The following ITGA9 variants were observed in gnomAD, a reference collection of about 807,000 sequenced individuals.
ITGA9 encodes the protein integrin subunit alpha 9.
A neutral mutation model predicts 127.8 loss-of-function variants in ITGA9; 56 were observed. The ratio of observed to expected loss-of-function variants is 0.44; its 90% CI spans 0.35 to 0.55. ITGA9 has a LOEUF of 0.55. Ranked by LOEUF, ITGA9 falls within the 20% of genes least tolerant of loss-of-function variation. The pLI, the probability that ITGA9 is intolerant of heterozygous loss-of-function variation, is 0.00. For synonymous variants in ITGA9, 508 were observed against 514.5 expected (o/e 0.99, Z 0.17); for missense variants, 1,196 against 1,347.1 (o/e 0.89, Z 1.76).
chr3:37,684,331 A>G (rs1700761508), intron 18 of ITGA9, among the ~76,000 whole-genome samples: 1 of 152,206 alleles, frequency 6.6e-6, no homozygotes, highest in Non-Finnish European at 1.5e-5. Context: ...TGCTGTCTCC[A>G]GCACACACAT....
At chr3:37,636,303 G>C (rs1481586563) in intron 16 of ITGA9, among the ~76,000 whole-genome samples, 2 of 152,124 alleles carry the variant, frequency 1.3e-5, no homozygotes, top group Non-Finnish European at 2.9e-5. Context: ...GTTGTTTCCT[G>C]ACTTTTTAAT....
chr3:37,803,839 T>C lies in ITGA9; in HGVS notation c.2906T>C (p.Leu969Pro). ...GCCTCCTAGGTGGTCTTCGAGGCCC[T>C]GCACAATCTGGAGCCCCGTGGCTAC... ...PEEVTVVFEA[L>P]HNLEPRGYVV... The change falls in exon 27 of 28, where the codon CTG (leucine) becomes CCG (proline). Residue 969 changes from leucine (L) to proline (P), a missense_variant. Coordinates refer to ENST00000264741, the MANE Select transcript of ITGA9 (RefSeq NM_002207.3). 1 of 1,614,166 alleles carries C rather than the reference T, an allele frequency of 6.2e-7. No individual in the cohort carries two copies. Among genetic ancestry groups the C allele is most frequent in the Non-Finnish European group, 8.5e-7 (1 of 1,180,010 alleles).
At chr3:37,765,852 T>C (rs1023334475) in intron 23 of ITGA9, among the ~76,000 whole-genome samples, 2 of 152,220 alleles carry the variant, frequency 1.3e-5, no homozygotes, top group African/African-American at 4.8e-5. Flanking sequence ...CGCCCGGCCT[T>C]ATCAAGGAGC....
At chr3:37,567,877 A>G (rs1699563002) in intron 15 of ITGA9, among the ~76,000 whole-genome samples, 1 of 152,104 alleles carries the variant, frequency 6.6e-6, no homozygotes, top group African/African-American at 2.4e-5. Context: ...ACTGGCTGGC[A>G]TTGAGTATCT....
At chr3:37,585,951 T>C (rs1385987422) in intron 15 of ITGA9, among the ~76,000 whole-genome samples, 1 of 152,206 alleles carries the variant, frequency 6.6e-6, no homozygotes, top group South Asian at 2.1e-4. Flanking sequence ...TCCTGAGTCA[T>C]ATTTGGGAAG....
intron 26 of ITGA9, among the ~76,000 whole-genome samples, chr3:37,791,781 A>G (rs1399910722): frequency 1.3e-5 from 2 of 152,088 alleles, no homozygotes; most frequent in East Asian, 3.9e-4. Flanking sequence ...CTCACCAAAG[A>G]TGCAAGCCTG....
chr3:37,661,468 A>T (rs527314276), intron 17 of ITGA9, among the ~76,000 whole-genome samples: 2 of 152,348 alleles, frequency 1.3e-5, no homozygotes, highest in South Asian at 4.1e-4. Flanking sequence ...TGATACTTAG[A>T]TAACAAACCT....
At chr3:37,591,217 A>G (rs548111262) in intron 15 of ITGA9, among the ~76,000 whole-genome samples, 7 of 152,238 alleles carry the variant, frequency 4.6e-5, no homozygotes, top group African/African-American at 7.2e-5. Flanking sequence ...CCTCCTTTTC[A>G]TCATGTCTGT....
At chr3:37,539,885 G>A (rs189436741) in intron 14 of ITGA9, among the ~76,000 whole-genome samples, 37 of 152,266 alleles carry the variant, frequency 2.4e-4, no homozygotes, top group African/African-American at 8.4e-4. Flanking sequence ...CCACATCAAG[G>A]GGCAAGGGAG....
chr3:37,767,723 C>A (rs1448016149), intron 23 of ITGA9, among the ~76,000 whole-genome samples: 1 of 152,116 alleles, frequency 6.6e-6, no homozygotes, highest in East Asian at 1.9e-4. Context: ...AAATAAACAC[C>A]TTGGAACCAC....
chr3:37,620,072 C>G (rs1014538821), intron 15 of ITGA9, among the ~76,000 whole-genome samples: 1 of 152,226 alleles, frequency 6.6e-6, no homozygotes, highest in Admixed American at 6.5e-5. Flanking sequence ...TCTGCAAACT[C>G]CCCTCACCTT....
chr3:37,753,232 A>G (rs1447691252), intron 23 of ITGA9, among the ~76,000 whole-genome samples: 2 of 152,234 alleles, frequency 1.3e-5, no homozygotes, highest in African/African-American at 2.4e-5. Context: ...TTTGTTCACA[A>G]ACACTGGCTC....
intron 26 of ITGA9, among the ~76,000 whole-genome samples, chr3:37,803,498 G>A (rs987946947): frequency 1.3e-5 from 2 of 152,202 alleles, no homozygotes; most frequent in African/African-American, 4.8e-5. Context: ...TTTAGGAAAC[G>A]TTTTCAGCTG....
At chr3:37,796,081 C>T (rs1306018682) in intron 26 of ITGA9, among the ~76,000 whole-genome samples, 1 of 152,174 alleles carries the variant, frequency 6.6e-6, no homozygotes, top group African/African-American at 2.4e-5. Context: ...CCTGTTGGCT[C>T]CAGTTCACTG....
intron 7 of ITGA9, 148 bp downstream of exon 7, chr3:37,506,233 A>G: frequency 1.4e-6 from 1 of 708,218 alleles, no homozygotes; most frequent in Non-Finnish European, 2.6e-6. Flanking sequence ...TGACTGCCCC[A>G]CTCCATTGGA....
rs368577036 is a variant in ITGA9, at chr3:37,518,093, C to CGCGCGTGT, written c.1141+485_1141+486insCGCGTGTG. 1.2e-4 allele frequency among the ~76,000 whole-genome samples: 18 copies of CGCGCGTGT among 144,212 alleles called. No homozygotes were observed. The South Asian group carries it at 1.8e-3, about 15-fold the overall frequency. 94.6% of individuals were successfully genotyped at this position (144,212 alleles called of 152,430 possible). A position where few individuals can be genotyped will look rare whatever the true frequency, so the allele number is the denominator to read the frequency against. ...CTAGATTGACTTTTGAGAGTGTACG[C>CGCGCGTGT]GTGTGTGTGTGTGTGTGTGTGTGTG... On this transcript the variant is annotated intron_variant, in intron 10 of 27. Coordinates refer to ENST00000264741, the MANE Select transcript of ITGA9 (RefSeq NM_002207.3).
rs554743923 is a variant in ITGA9 at position 37,742,123 on chromosome 3, G to A, written c.2324+304G>A. On this transcript the variant is annotated intron_variant, in intron 21 of 27. Coordinates refer to ENST00000264741, the MANE Select transcript of ITGA9 (RefSeq NM_002207.3). Reference sequence around the variant, plus strand: ...CCTTTATGTGCATATATTCTCATCCGCCCCTAGTCCCTCCAGAATGCTGTA... The same window carrying A: ...CCTTTATGTGCATATATTCTCATCCACCCCTAGTCCCTCCAGAATGCTGTA... Among the ~76,000 whole-genome samples, 39 of 152,130 alleles carry A rather than the reference G, an allele frequency of 2.6e-4. No individual in the cohort carries two copies. The South Asian group carries it at 6.0e-3, about 24-fold the overall frequency.
intron 19 of ITGA9, 53 bp from the exon 20 acceptor site, chr3:37,736,851 A>G: frequency 8.9e-7 from 1 of 1,129,092 alleles, no homozygotes; most frequent in Non-Finnish European, 1.4e-6. Context: ...GGAAGAGAAC[A>G]GTTTAAGTTT....
intron 15 of ITGA9, among the ~76,000 whole-genome samples, chr3:37,565,544 G>A (rs1408836511): frequency 6.6e-6 from 1 of 152,250 alleles, no homozygotes; most frequent in South Asian, 2.1e-4. Flanking sequence ...TGAAGGGCTT[G>A]TTTAAACAGA....
Sources: allele counts gnomAD v4.1 joint callset (sites outside exome capture counted in the v4.1 genomes callset), GRCh38; gene constraint gnomAD v4.1.1; transcripts MANE v1.5; gene names NCBI Gene and HGNC (gene_info 2026-07-23, HGNC 2026-07-21).